Variants in ZNF77 observed in about 807,000 individuals in gnomAD.
The protein encoded by ZNF77 is zinc finger protein 77, also known as ZNFpT1.
Under a neutral mutation model 13.5 loss-of-function variants are expected in ZNF77, and 15 were observed. The observed-to-expected ratio is 1.11, with a 90% CI of 0.74 to 1.71. The LOEUF (loss-of-function observed/expected upper bound fraction) is 1.71. Among genes scored for constraint, ZNF77 ranks in the 40% most tolerant of loss-of-function variants. The pLI, the probability that ZNF77 is intolerant of heterozygous loss-of-function variation, is 0.00. For synonymous variants in ZNF77, 282 were observed against 250.0 expected (o/e 1.13, Z -1.21); for missense variants, 717 against 676.4 (o/e 1.06, Z -0.67).
intron 1 of ZNF77, among the ~76,000 whole-genome samples, chr19:2,944,285 A>C: frequency 1.0e-5 from 1 of 99,738 alleles, no homozygotes; most frequent in Non-Finnish European, 1.9e-5. Flanking sequence ...GCTGCCCCCA[A>C]ACTCCCGACT....
rs200908461 is a variant in ZNF77 at position 2,933,597 on chromosome 19, G to A, written c.1530C>T (p.His510=). 1.6e-5 allele frequency: 26 copies of A among 1,612,616 alleles called. No individual in the cohort carries two copies. The highest frequency in any genetic ancestry group is 1.6e-4 in the Middle Eastern group (1 of 6,062). Residue 510 remains histidine (H), a synonymous_variant, in exon 4 of 4, where the codon CAC becomes CAT. Coordinates refer to ENST00000314531, the MANE Select transcript of ZNF77 (RefSeq NM_021217.3). The part of the protein sequence containing the change: ...AYSCSSSLRV[H]VRTHTGERPY... ...GTCTCTCTCCAGTGTGCGTTCTCAC[G>A]TGCACACGAAGGGACGAGGAACAAC...
At chr19:2,944,706 CG>C in intron 1 of ZNF77, 131 bp downstream of exon 1, 2 of 1,301,232 alleles carry the variant, frequency 1.5e-6, no homozygotes, top group East Asian at 2.9e-5. Flanking sequence ...ACCACGTCCC[CG>C]GGGCCCAGGC....
chr19:2,942,714 C>T (rs114909024), intron 1 of ZNF77, among the ~76,000 whole-genome samples: 1 of 151,994 alleles, frequency 6.6e-6, no homozygotes. Flanking sequence ...CAGGACCCTC[C>T]CTTCCCATAC....
intron 3 of ZNF77, 85 bp from the exon 4 acceptor site, chr19:2,934,900 A>G: frequency 6.7e-7 from 1 of 1,490,100 alleles, no homozygotes; most frequent in Non-Finnish European, 8.9e-7. Context: ...TATTTTGATT[A>G]CATTATTTGC....
chr19:2,934,107 T>C lies in ZNF77; in HGVS notation c.1020A>G (p.Arg340=). ...CTCCACTGTGCGTTCTCCCATGTTC[T>C]CGAAGAGACGAGTAACAAGTGAACG... ...GKAFTCYSSL[R]EHGRTHSGEK... The change falls in exon 4 of 4, where the codon CGA becomes CGG. Residue 340 remains arginine, a synonymous_variant. Transcript: ENST00000314531. 1 of 1,613,938 alleles carries C rather than the reference T, an allele frequency of 6.2e-7. No individual in the cohort carries two copies. The highest frequency in any genetic ancestry group is 8.5e-7 in the Non-Finnish European group (1 of 1,179,986).
Position 2,933,395 on chromosome 19 carries a change from G to A in ZNF77, c.*94C>T, listed in dbSNP as rs1305141138. 3.5e-5 allele frequency: 50 copies of A among 1,448,224 alleles called. No homozygotes were observed. Among genetic ancestry groups the A allele is most frequent in the Non-Finnish European group, 4.4e-5 (48 of 1,089,038 alleles). The allele number at this position is 1,448,224 out of a possible 1,614,324, so 89.7% of individuals were successfully genotyped here. ...TAGGTACAAAATAAGTGCTATACCA[G>A]GTTTTCCTACATGCTCTACATAAAT... On this transcript the variant is annotated 3_prime_UTR_variant, in exon 4 of 4. Coordinates refer to ENST00000314531, the MANE Select transcript of ZNF77 (RefSeq NM_021217.3).
rs551001548 is a variant in ZNF77 at position 2,936,745 on chromosome 19, T to C, written c.131-41A>G. 13 of 1,564,816 alleles carry C rather than the reference T, an allele frequency of 8.3e-6. No individual in the cohort carries two copies. In the East Asian group the frequency reaches 2.5e-4, roughly 30 times the overall value. Reference sequence around the variant, plus strand: ...ACACAATTTCTTAGGAGAAATATGTTGGGATAAAGGAAATAGACCACATAC... The same window carrying C: ...ACACAATTTCTTAGGAGAAATATGTCGGGATAAAGGAAATAGACCACATAC... On this transcript the variant is annotated intron_variant, in intron 2 of 3. Transcript: ENST00000314531.
intron 1 of ZNF77, among the ~76,000 whole-genome samples, chr19:2,943,213 C>T (rs951222019): frequency 6.6e-6 from 1 of 151,896 alleles, no homozygotes; most frequent in Admixed American, 6.6e-5. Context: ...GCTTATACCC[C>T]CACCCCACTG....
chr19:2,944,027 A>G (rs1006273656), intron 1 of ZNF77, among the ~76,000 whole-genome samples: 10 of 151,572 alleles, frequency 6.6e-5, no homozygotes, highest in Non-Finnish European at 1.3e-4. Context: ...TTATTATTTG[A>G]CAGGCTCCAG....
chr19:2,942,361 C>T (rs1052532057), intron 1 of ZNF77, among the ~76,000 whole-genome samples: 31 of 143,510 alleles, frequency 2.2e-4, no homozygotes, highest in Non-Finnish European at 4.2e-4. Context: ...TGAGCCACCG[C>T]GCCCGGCTCT....
In ZNF77 at chr19:2,933,768, C is replaced by T. The variant is rs2088366248; in HGVS notation, c.1359G>A (p.Glu453=). 6.2e-7 allele frequency: 1 copy of T among 1,613,056 alleles called. No individual in the cohort carries two copies. The highest frequency in any genetic ancestry group is 8.5e-7 in the Non-Finnish European group (1 of 1,179,172). ...KAFSCHSSLR[E]HVRTHSGEKP... Reference sequence around the variant, plus strand: ...TCTCTCCGCTGTGGGTTCGCACATGCTCTCGAAGGGAGGAGTGACAGCTGA... The same window carrying T: ...TCTCTCCGCTGTGGGTTCGCACATGTTCTCGAAGGGAGGAGTGACAGCTGA... The change falls in exon 4 of 4, where the codon GAG becomes GAA. Residue 453 remains glutamate, a synonymous_variant. Coordinates refer to ENST00000314531, the MANE Select transcript of ZNF77 (RefSeq NM_021217.3).
chr19:2,935,261 G>T (rs1314819131), intron 3 of ZNF77, among the ~76,000 whole-genome samples: 1 of 149,680 alleles, frequency 6.7e-6, no homozygotes, highest in East Asian at 2.0e-4. Context: ...CTCGTGATCC[G>T]CCTGCCTCGG....
intron 1 of ZNF77, 158 bp from the exon 2 acceptor site, chr19:2,939,565 C>T: frequency 7.4e-6 from 7 of 949,272 alleles, no homozygotes; most frequent in Non-Finnish European, 1.1e-5. Context: ...ACACTCAATG[C>T]CGTGAGTACC....
rs747132521 is a variant in ZNF77 at position 2,934,001 on chromosome 19, C to T, written c.1126G>A (p.Gly376Arg). 1.2e-5 allele frequency: 19 copies of T among 1,614,072 alleles called. No homozygotes were observed. The highest frequency in any genetic ancestry group is 6.7e-5 in the East Asian group (3 of 44,896). Residue 376 changes from glycine to arginine, a missense_variant, in exon 4 of 4, where the codon GGA becomes AGA. Gly to Arg is a moderately radical substitution (Grantham distance 125). Transcript: ENST00000314531. ...SLRAHMRMHT[G>R]EKPYVCKQCG... Reference sequence around the variant, plus strand: ...TGCTTGCACACATAGGGCTTCTCTCCGGTGTGCATTCTCATGTGTGCTCGC... The same window carrying T: ...TGCTTGCACACATAGGGCTTCTCTCTGGTGTGCATTCTCATGTGTGCTCGC...
intron 1 of ZNF77, among the ~76,000 whole-genome samples, chr19:2,942,370 CTTTTTT>C (rs71179937): frequency 4.1e-4 from 42 of 102,068 alleles, no homozygotes; most frequent in African/African-American, 1.4e-3. Flanking sequence ...GCGCCCGGCT[CTTTTTT>C]TTTTTTTTTT....
At chr19:2,943,818 T>C (rs2088472479) in intron 1 of ZNF77, among the ~76,000 whole-genome samples, 1 of 149,206 alleles carries the variant, frequency 6.7e-6, no homozygotes, top group South Asian at 2.2e-4. Context: ...CACGCCATTC[T>C]CCTGTCTCAG....
In ZNF77 at chr19:2,934,371, G is replaced by A. The variant is rs2088375709; in HGVS notation, c.756C>T (p.Tyr252=). 6.2e-7 allele frequency: 1 copy of A among 1,614,102 alleles called. No homozygotes were observed. The highest frequency in any genetic ancestry group is 1.7e-5 in the Admixed American group (1 of 60,000). The change falls in exon 4 of 4, where the codon TAC becomes TAT. Residue 252 remains tyrosine, a synonymous_variant. Coordinates refer to ENST00000314531, the MANE Select transcript of ZNF77 (RefSeq NM_021217.3). Reference sequence around the variant, plus strand: ...TTCTTACGTGCCGTGTAAGGTAGGAGTAATACATAAAGGTCTTCCCACATA... The same window carrying A: ...TTCTTACGTGCCGTGTAAGGTAGGAATAATACATAAAGGTCTTCCCACATA... ...CKVCGKTFMY[Y]SYLTRHVRTH...
intron 2 of ZNF77, among the ~76,000 whole-genome samples, chr19:2,937,663 G>A (rs1383479685): frequency 6.6e-6 from 1 of 152,148 alleles, no homozygotes; most frequent in Non-Finnish European, 1.5e-5. Flanking sequence ...CTGCGAAGGA[G>A]GACAGTGCAG....
intron 3 of ZNF77, among the ~76,000 whole-genome samples, chr19:2,935,527 C>T (rs1250171132): frequency 1.7e-4 from 24 of 141,500 alleles, no homozygotes; most frequent in Non-Finnish European, 3.2e-4. Context: ...GATGGGGTTT[C>T]TCCATGTTGG....
Sources: allele counts gnomAD v4.1 joint callset (sites outside exome capture counted in the v4.1 genomes callset), GRCh38; gene constraint gnomAD v4.1.1; transcripts MANE v1.5; gene names NCBI Gene and HGNC (gene_info 2026-07-23, HGNC 2026-07-21).